The following MKNK1 variants were observed in gnomAD, a reference collection of about 807,000 sequenced individuals.
MKNK1 encodes MAPK interacting serine/threonine kinase 1, also known as MAP kinase-interacting serine/threonine-protein kinase 1.
In MKNK1, 30 loss-of-function variants were observed where a neutral mutation model predicts 49.3. That is an observed-to-expected ratio of 0.61 (90% confidence interval 0.46 to 0.83). MKNK1 has a LOEUF of 0.83. MKNK1 is among the 40% of genes least tolerant of loss of function. The pLI, the probability that MKNK1 is intolerant of heterozygous loss-of-function variation, is 0.00. For synonymous variants in MKNK1, 176 were observed against 201.7 expected, an observed-to-expected ratio of 0.87 and a Z score of 1.08; for missense variants, 423 against 524.7, an observed-to-expected ratio of 0.81 and a Z score of 1.89.
intron 1 of MKNK1, among the ~76,000 whole-genome samples, chr1:46,598,705 T>A (rs1266447259): frequency 2.6e-5 from 4 of 152,188 alleles, no homozygotes; most frequent in Non-Finnish European, 4.4e-5. Flanking sequence ...GAAGATTAAA[T>A]AACTTGCCCA....
rs1310962411 is a variant in MKNK1, at chr1:46,561,644, T to C, written c.805-2A>G. 1.2e-6 allele frequency: 2 copies of C among 1,613,696 alleles called. No individual in the cohort carries two copies. The highest frequency in any genetic ancestry group is 1.1e-5 in the South Asian group (1 of 91,046). ...CTGGATGCTTTCAAACAGCTTGTTCTAGGTACAAAAGATTCCTCCTGAGGC... is the reference window on the plus strand; with the variant it reads ...CTGGATGCTTTCAAACAGCTTGTTCCAGGTACAAAAGATTCCTCCTGAGGC... On this transcript the variant is annotated splice_acceptor_variant, in intron 10 of 12. Coordinates refer to ENST00000371945, the MANE Select transcript of MKNK1 (RefSeq NM_001135553.4). LOFTEE classifies it high-confidence loss of function.
chr1:46,564,028 G>A (rs1668526658), intron 9 of MKNK1, among the ~76,000 whole-genome samples: 1 of 58,164 alleles, frequency 1.7e-5, no homozygotes. Context: ...CTGGGCAACA[G>A]AGCAAGACTC....
chr1:46,560,990 T>C (rs1190140909), intron 11 of MKNK1, among the ~76,000 whole-genome samples: 1 of 152,190 alleles, frequency 6.6e-6, no homozygotes, highest in Non-Finnish European at 1.5e-5. Context: ...TGTTTTCTAG[T>C]GAAGACATGA....
In MKNK1 at chr1:46,589,952, C is replaced by T. The variant is rs1673111288; in HGVS notation, c.-3+4161G>A. 6.6e-6 allele frequency among the ~76,000 whole-genome samples: 1 copy of T among 152,134 alleles called. No homozygotes were observed. The highest frequency in any genetic ancestry group is 2.4e-5 in the African/African-American group (1 of 41,422). Reference sequence around the variant, plus strand: ...AGATGATCCTCTCCCCACTGAGAACCCGACTTTGCTGGCTAGCTCAGCTCT... The same window carrying T: ...AGATGATCCTCTCCCCACTGAGAACTCGACTTTGCTGGCTAGCTCAGCTCT... On this transcript the variant is annotated intron_variant, in intron 2 of 12. Transcript: ENST00000371945. The surrounding 1 kb of genome is among the most constrained non-coding windows in gnomAD (Gnocchi z 4.3).
At position 46,577,700 on chromosome 1, in the gene MKNK1, T is replaced by A. The variant is rs574166829; in HGVS notation, c.199-1046A>T. ...CTGTGATACGGTGGGCTGCTCCCCC[T>A]CCACACTTTTACCTGAGATGCTTGT... On this transcript the variant is annotated intron_variant, in intron 4 of 12. Transcript: ENST00000371945. Among the ~76,000 whole-genome samples the A allele has an allele frequency of 2.6e-5, 4 of 152,274 alleles. No individual in the cohort carries two copies. The South Asian group carries it at 8.3e-4, about 32-fold the overall frequency.
intron 7 of MKNK1, chr1:46,571,541 T>TA (rs1278782613): frequency 2.3e-6 from 1 of 441,394 alleles, no homozygotes; most frequent in South Asian, 1.6e-5. Flanking sequence ...AGACTTTGTC[T>TA]AAAAAGGAAA....
intron 2 of MKNK1, chr1:46,586,026 G>A: frequency 1.1e-6 from 1 of 906,264 alleles, no homozygotes; most frequent in Non-Finnish European, 1.6e-6. Flanking sequence ...AACATGCTTA[G>A]CTTCCCTGGT....
chr1:46,594,275 G>A lies in MKNK1; in HGVS notation c.-165C>T. 1 of 756,194 alleles carries A rather than the reference G, an allele frequency of 1.3e-6. No homozygotes were observed. The highest frequency in any genetic ancestry group is 1.4e-5 in the South Asian group (1 of 71,014). 46.8% of individuals were successfully genotyped at this position (756,194 alleles called of 1,614,324 possible). ...TCAGTTCTCCATCGGCCTCTGACAT[G>A]GAAACCTTGAAAAAGCAGAAATAGA... On this transcript the variant is annotated 5_prime_UTR_variant, in exon 2 of 13. Transcript: ENST00000371945.
intron 7 of MKNK1, 120 bp downstream of exon 7, chr1:46,571,943 C>T: frequency 1.2e-6 from 1 of 861,196 alleles, no homozygotes; most frequent in South Asian, 1.5e-5. Context: ...ATGTTCACAC[C>T]TCAAGCTGCC....
At position 46,603,481 on chromosome 1, in the gene MKNK1, T is replaced by C. The variant is rs77424586; in HGVS notation, c.-171+704A>G. Among the ~76,000 whole-genome samples the C allele has an allele frequency of 3.2e-3, 481 of 152,318 alleles. 3 individuals are homozygous for C. Among genetic ancestry groups the C allele is most frequent in the African/African-American group, 0.011 (471 of 41,576 alleles). ...CAGGCGCCATACTAGGTGACTTCCA[T>C]ATAATCCTATTCACCCTTCACAATG... On this transcript the variant is annotated intron_variant, in intron 1 of 12. Transcript: ENST00000371945.
At chr1:46,603,190 T>C (rs1674975217) in intron 1 of MKNK1, among the ~76,000 whole-genome samples, 1 of 152,202 alleles carries the variant, frequency 6.6e-6, no homozygotes, top group Non-Finnish European at 1.5e-5. Flanking sequence ...AATGAAGGGC[T>C]GAAGCTAAGG....
chr1:46,592,461 G>A (rs891181035), intron 2 of MKNK1, among the ~76,000 whole-genome samples: 14 of 152,206 alleles, frequency 9.2e-5, no homozygotes, highest in African/African-American at 3.1e-4. Flanking sequence ...TGTATGCTGC[G>A]AACCACTGGC....
intron 6 of MKNK1, 110 bp downstream of exon 6, chr1:46,574,837 T>C (rs1670714729): frequency 2.7e-6 from 2 of 732,580 alleles, no homozygotes; most frequent in South Asian, 3.7e-5. Flanking sequence ...TTTAAGTCCT[T>C]CATCCTTTTT....
chr1:46,564,940 G>A (rs762239702), intron 9 of MKNK1, 101 bp downstream of exon 9: 12 of 1,117,592 alleles, frequency 1.1e-5, no homozygotes, highest in Non-Finnish European at 1.3e-5. Context: ...AGGAAGATAG[G>A]TCCACTTGGT....
chr1:46,565,773 T>G (rs1668950114), intron 8 of MKNK1, among the ~76,000 whole-genome samples: 1 of 152,116 alleles, frequency 6.6e-6, no homozygotes, highest in Non-Finnish European at 1.5e-5. Flanking sequence ...GCAGTTTGGG[T>G]GCACACATGA....
At chr1:46,569,998 C>T (rs2148624748) in intron 7 of MKNK1, 1 of 152,316 alleles carries the variant, frequency 6.6e-6, no homozygotes, top group South Asian at 2.1e-4. Flanking sequence ...TGCAGTGTGT[C>T]CAGTATTTAA....
intron 4 of MKNK1, 76 bp downstream of exon 4, chr1:46,580,454 A>T (rs1557865542): frequency 9.8e-7 from 1 of 1,016,386 alleles, no homozygotes; most frequent in East Asian, 2.4e-5. Context: ...TATGGAATAT[A>T]ACATTTATTT....
chr1:46,578,837 C>T (rs11211307), intron 4 of MKNK1, among the ~76,000 whole-genome samples: 6,281 of 151,680 alleles, frequency 0.041, 159 homozygotes, highest in African/African-American at 0.079. Flanking sequence ...CACTGTGCAA[C>T]CTCTACCTCC....
chr1:46,577,515 T>C (rs1671154734), intron 4 of MKNK1, among the ~76,000 whole-genome samples: 1 of 151,736 alleles, frequency 6.6e-6, no homozygotes, highest in African/African-American at 2.4e-5. Context: ...TAAACAATAA[T>C]AATTTATTTA....
Sources: allele counts gnomAD v4.1 joint callset (sites outside exome capture counted in the v4.1 genomes callset), GRCh38; gene constraint gnomAD v4.1.1; non-coding constraint Gnocchi (gnomAD v3.1); transcripts MANE v1.5; gene names NCBI Gene and HGNC (gene_info 2026-07-23, HGNC 2026-07-21).